The following RNF32 variants were observed in gnomAD, a reference collection of about 807,000 sequenced individuals.
The protein encoded by RNF32 is ring finger protein 32.
RNF32 carries 36 observed loss-of-function variants against 41.0 expected under a neutral mutation model. The ratio of observed to expected loss-of-function variants is 0.88; its 90% CI spans 0.67 to 1.16. RNF32 has a LOEUF of 1.16. Ranked by LOEUF, RNF32 falls within the 50% of genes most tolerant of loss-of-function variation. RNF32 has a pLI of 0.00. For synonymous variants in RNF32, 154 were observed against 160.9 expected (o/e 0.96, Z 0.32); for missense variants, 413 against 436.7 (o/e 0.95, Z 0.48).
chr7:156,672,113 T>G (rs1373617460), intron 7 of RNF32, among the ~76,000 whole-genome samples: 2 of 152,186 alleles, frequency 1.3e-5, no homozygotes, highest in African/African-American at 4.8e-5. Flanking sequence ...AAGCATTTAT[T>G]TGCTTTCTTG....
chr7:156,646,439 T>A, intron 3 of RNF32: 1 of 1,303,888 alleles, frequency 7.7e-7, no homozygotes, highest in Non-Finnish European at 1.0e-6. Flanking sequence ...ACTCTCCCTT[T>A]CCTCTTCTTA....
intron 7 of RNF32, among the ~76,000 whole-genome samples, chr7:156,668,237 G>A (rs906096930): frequency 3.3e-5 from 5 of 152,180 alleles, no homozygotes; most frequent in Non-Finnish European, 7.3e-5. Context: ...CCCTGTGAGA[G>A]CTCAGAGAAG....
chr7:156,647,576 C>A (rs1798135233), intron 3 of RNF32, among the ~76,000 whole-genome samples: 1 of 152,174 alleles, frequency 6.6e-6, no homozygotes, highest in African/African-American at 2.4e-5. Context: ...TTTATCCACT[C>A]ATTGGTTCAT....
At chr7:156,662,847 CTTTTT>C (rs55909570) in intron 7 of RNF32, among the ~76,000 whole-genome samples, 3 of 130,450 alleles carry the variant, frequency 2.3e-5, no homozygotes, top group Admixed American at 7.7e-5. Flanking sequence ...AACAGCCATT[CTTTTT>C]TTTTTTTTTT....
chr7:156,659,150 C>T (rs1345520455), intron 7 of RNF32: 1 of 1,240,640 alleles, frequency 8.1e-7, no homozygotes, highest in Admixed American at 4.1e-5. Context: ...ACAGTCCTAC[C>T]CCATCAGCCT....
intron 4 of RNF32, among the ~76,000 whole-genome samples, chr7:156,656,300 C>T (rs1799662653): frequency 1.3e-5 from 2 of 152,190 alleles, no homozygotes; most frequent in South Asian, 2.1e-4. Context: ...ATTTTTGTTA[C>T]ATCAGAGAAT....
rs536885551 is a variant in RNF32 at position 156,651,513 on chromosome 7, C to T, written c.275-3063C>T. Among the ~76,000 whole-genome samples, 240 of 152,294 alleles carry T rather than the reference C, an allele frequency of 1.6e-3. 1 individual carries two copies. Among genetic ancestry groups the T allele is most frequent in the Middle Eastern group, 3.4e-3 (1 of 294 alleles). On this transcript the variant is annotated intron_variant, in intron 3 of 8. Transcript: ENST00000317955. ...ACAGGCGTGAGCCACCATGCCCAGC[C>T]ATATTTTTAATAATTCTAAATAACA...
At position 156,654,735 on chromosome 7, in the gene RNF32, G is replaced by A. The variant is rs202037683; in HGVS notation, c.417+17G>A. 6.2e-7 allele frequency: 1 copy of A among 1,611,186 alleles called. No homozygotes were observed. Among genetic ancestry groups the A allele is most frequent in the Admixed American group, 1.7e-5 (1 of 59,984 alleles). On this transcript the variant is annotated intron_variant, in intron 4 of 8. Transcript: ENST00000317955. ...CGTCCTCAGGTGTTTAGCATACGAG[G>A]GTGAGCTAGAGAGCTCCTGGGCTGT...
At chr7:156,671,493 T>G (rs1802504504) in intron 7 of RNF32, among the ~76,000 whole-genome samples, 1 of 152,238 alleles carries the variant, frequency 6.6e-6, no homozygotes, top group Non-Finnish European at 1.5e-5. Flanking sequence ...AGCACATATT[T>G]TCTTTCAAAG....
rs766912859 is a variant in RNF32 at position 156,644,456 on chromosome 7, T to C, written c.16-43T>C. ...CTCAGTTCTCTTCTAAATGATATAT[T>C]ACATAATACTCCTCTAAATATGACT... On this transcript the variant is annotated intron_variant, in intron 2 of 8. Coordinates refer to ENST00000317955, the MANE Select transcript of RNF32 (RefSeq NM_030936.4). 15 of 1,455,686 alleles carry C rather than the reference T, an allele frequency of 1.0e-5. No individual in the cohort carries two copies. In the Admixed American group the frequency reaches 2.6e-4, roughly 25 times the overall value. 90.2% of individuals were successfully genotyped at this position (1,455,686 alleles called of 1,614,324 possible).
In RNF32 at chr7:156,659,239, A is replaced by T. The variant is rs1800227787; in HGVS notation, c.684+669A>T. 3 of 1,078,056 alleles carry T rather than the reference A, an allele frequency of 2.8e-6. No individual in the cohort carries two copies. The Admixed American group carries it at 1.5e-4, about 55-fold the overall frequency. The allele number at this position is 1,078,056 out of a possible 1,614,324, so 66.8% of individuals were successfully genotyped here. A position where few individuals can be genotyped will look rare whatever the true frequency, so the allele number is the denominator to read the frequency against. The stretch of plus-strand genomic sequence containing the variant: ...TTCTTCCTGGCAGTGTTGGCCTGAG[A>T]AGAGCTGTAGCATTTATAATGGCCC... On this transcript the variant is annotated intron_variant, in intron 7 of 8. Coordinates refer to ENST00000317955, the MANE Select transcript of RNF32 (RefSeq NM_030936.4).
At position 156,676,412 on chromosome 7, in the gene RNF32, G is replaced by A; in HGVS notation, c.853-7G>A. On this transcript the variant is annotated splice_polypyrimidine_tract_variant and splice_region_variant and intron_variant, in intron 8 of 8. Transcript: ENST00000317955. ...CGCGTGGCCTCTTCCCGTCCTGTGT[G>A]CCGCAGGCTCTGCGCCGGGAGACCC... 1.9e-6 allele frequency: 3 copies of A among 1,614,026 alleles called. No individual in the cohort carries two copies. The highest frequency in any genetic ancestry group is 1.1e-5 in the South Asian group (1 of 91,076).
chr7:156,671,119 G>A (rs1467581411), intron 7 of RNF32, among the ~76,000 whole-genome samples: 1 of 152,190 alleles, frequency 6.6e-6, no homozygotes, highest in Non-Finnish European at 1.5e-5. Flanking sequence ...TAGAAACAGA[G>A]TTTTAACCTT....
intron 7 of RNF32, among the ~76,000 whole-genome samples, chr7:156,671,258 G>A (rs1051093163): frequency 1.2e-4 from 19 of 152,140 alleles, no homozygotes; most frequent in Admixed American, 3.9e-4. Flanking sequence ...AACACAAAGC[G>A]GACTGAGTGC....
chr7:156,675,674 C>A, intron 7 of RNF32, 22 bp from the exon 8 acceptor site: 12 of 1,494,100 alleles, frequency 8.0e-6, no homozygotes, highest in Non-Finnish European at 1.1e-5. Context: ...TGTGAGCTTA[C>A]CCGCCCCCGC....
At chr7:156,674,104 C>T (rs545152731) in intron 7 of RNF32, among the ~76,000 whole-genome samples, 155 of 152,164 alleles carry the variant, frequency 1.0e-3, no homozygotes, top group Non-Finnish European at 2.0e-3. Context: ...ACTGCTGAAT[C>T]GGCACTTCTC....
intron 4 of RNF32, chr7:156,654,932 C>T (rs189327133): frequency 8.7e-6 from 4 of 457,890 alleles, no homozygotes; most frequent in South Asian, 3.7e-5. Flanking sequence ...CTGGTATTCT[C>T]AAGTACTAAA....
intron 7 of RNF32, among the ~76,000 whole-genome samples, chr7:156,667,037 C>G (rs117726894): frequency 0.021 from 3,250 of 152,292 alleles, 59 homozygotes; most frequent in Non-Finnish European, 0.031. Context: ...TCATTTACAT[C>G]TCACCAAACA....
intron 3 of RNF32, among the ~76,000 whole-genome samples, chr7:156,650,346 C>A (rs1044201397): frequency 2.0e-5 from 3 of 152,182 alleles, no homozygotes; most frequent in Non-Finnish European, 2.9e-5. Flanking sequence ...CGGTCACATG[C>A]CCATTGATAG....
Sources: gnomAD v4.1 joint callset for allele counts (sites outside exome capture counted in the v4.1 genomes callset) on GRCh38, gnomAD v4.1.1 for gene constraint, MANE v1.5 for transcripts, NCBI Gene and HGNC (gene_info 2026-07-23, HGNC 2026-07-21) for gene names.